GALNT13: variants seen among roughly 807,000 people sequenced by gnomAD.
GALNT13 encodes polypeptide N-acetylgalactosaminyltransferase 13, also known as UDP-GalNAc:polypeptide N-acetylgalactosaminyltransferase 13.
GALNT13 carries 28 observed loss-of-function variants against 64.2 expected under a neutral mutation model. The ratio of observed to expected loss-of-function variants is 0.44; its 90% CI spans 0.32 to 0.60. The LOEUF (loss-of-function observed/expected upper bound fraction) is 0.60, where lower values mean the gene tolerates loss of function less well. GALNT13 is among the 20% of genes least tolerant of loss of function. The pLI, the probability that GALNT13 is intolerant of heterozygous loss-of-function variation, is 0.05. For synonymous variants in GALNT13, 214 were observed against 224.6 expected, an observed-to-expected ratio of 0.95 and a Z score of 0.42; for missense variants, 577 against 669.8, an observed-to-expected ratio of 0.86 and a Z score of 1.53.
chr2:153,758,967 ATTTC>A, the GALNT13 span, among the ~76,000 whole-genome samples: 3 of 152,126 alleles, frequency 2.0e-5, no homozygotes, highest in Non-Finnish European at 4.4e-5. Flanking sequence ...TGTGTCATCA[ATTTC>A]TTTCATCAAA....
At chr2:153,467,617 A>G in the GALNT13 span, among the ~76,000 whole-genome samples, 2 of 152,086 alleles carry the variant, frequency 1.3e-5, no homozygotes, top group African/African-American at 4.8e-5. Flanking sequence ...TTTCATGGGA[A>G]TGCGATGATG....
At chr2:154,092,376 G>T (rs2105442436) in intron 3 of GALNT13, among the ~76,000 whole-genome samples, 1 of 152,074 alleles carries the variant, frequency 6.6e-6, no homozygotes, top group Non-Finnish European at 1.5e-5. Context: ...GCATTAAATG[G>T]CTCTGTCATT....
At chr2:154,047,216 C>A (rs1699337241) in intron 3 of GALNT13, among the ~76,000 whole-genome samples, 2 of 152,146 alleles carry the variant, frequency 1.3e-5, no homozygotes, top group South Asian at 4.2e-4. Flanking sequence ...AATACATTTG[C>A]TAAAGCTGGA....
chr2:154,247,681 T>C (rs1023034925), intron 7 of GALNT13, among the ~76,000 whole-genome samples: 6 of 152,100 alleles, frequency 3.9e-5, no homozygotes, highest in African/African-American at 1.4e-4. Flanking sequence ...AGATGAATCA[T>C]CTAACTTCCT....
the GALNT13 span, among the ~76,000 whole-genome samples, chr2:153,764,211 G>C: frequency 2.6e-4 from 39 of 152,172 alleles, no homozygotes; most frequent in South Asian, 2.1e-4. Context: ...TAGGGTATCT[G>C]GTGGGAGAAA....
At chr2:154,263,952 C>T (rs1050377504) in intron 8 of GALNT13, among the ~76,000 whole-genome samples, 1 of 152,170 alleles carries the variant, frequency 6.6e-6, no homozygotes, top group African/African-American at 2.4e-5. Flanking sequence ...ACAATTGCCT[C>T]GGCTTACTGC....
At chr2:154,162,034 G>C (rs1342638743) in intron 4 of GALNT13, among the ~76,000 whole-genome samples, 2 of 152,264 alleles carry the variant, frequency 1.3e-5, no homozygotes, top group South Asian at 2.1e-4. Flanking sequence ...GCCCGTCTCG[G>C]CCTCCCAAAG....
At chr2:153,263,507 A>C in the GALNT13 span, among the ~76,000 whole-genome samples, 1 of 152,354 alleles carries the variant, frequency 6.6e-6, no homozygotes, top group African/African-American at 2.4e-5. Flanking sequence ...AATAGCAAAA[A>C]GAACAAAGCT....
chr2:153,268,035 T>A, the GALNT13 span, among the ~76,000 whole-genome samples: 1 of 152,082 alleles, frequency 6.6e-6, no homozygotes, highest in Non-Finnish European at 1.5e-5. Flanking sequence ...TGCTGGCCCT[T>A]CCCAAACCTC....
At chr2:153,731,693 G>A in the GALNT13 span, among the ~76,000 whole-genome samples, 1 of 151,818 alleles carries the variant, frequency 6.6e-6, no homozygotes, top group African/African-American at 2.4e-5. Flanking sequence ...AATTGTTATT[G>A]CAAAACTAAG....
At chr2:153,330,642 A>G in the GALNT13 span, among the ~76,000 whole-genome samples, 4 of 151,280 alleles carry the variant, frequency 2.6e-5, no homozygotes, top group African/African-American at 9.7e-5. Flanking sequence ...AACTTTCTTT[A>G]TCGAAGTTGT....
intron 4 of GALNT13, among the ~76,000 whole-genome samples, chr2:154,199,270 T>A (rs546856628): frequency 6.6e-6 from 1 of 152,140 alleles, no homozygotes; most frequent in Non-Finnish European, 1.5e-5. Context: ...ATACCTATTA[T>A]AGTATTACTG....
chr2:153,396,899 A>G, the GALNT13 span, among the ~76,000 whole-genome samples: 1 of 152,152 alleles, frequency 6.6e-6, no homozygotes, highest in African/African-American at 2.4e-5. Context: ...TCAGGCAGCC[A>G]GGAGAGGCTT....
intron 3 of GALNT13, among the ~76,000 whole-genome samples, chr2:154,079,202 G>A (rs1015979585): frequency 6.6e-6 from 1 of 151,200 alleles, no homozygotes; most frequent in African/African-American, 2.4e-5. Flanking sequence ...AGAAATACAT[G>A]GTAACAAGAA....
chr2:153,354,958 G>C, the GALNT13 span, among the ~76,000 whole-genome samples: 2 of 152,146 alleles, frequency 1.3e-5, no homozygotes, highest in African/African-American at 2.4e-5. Context: ...GGAGTAAAGA[G>C]AACTGTTTAG....
At chr2:153,803,990 T>C in the GALNT13 span, among the ~76,000 whole-genome samples, 1 of 152,208 alleles carries the variant, frequency 6.6e-6, no homozygotes, top group Non-Finnish European at 1.5e-5. Flanking sequence ...CCCTCGAACA[T>C]TTAACCTGCT....
intron 9 of GALNT13, among the ~76,000 whole-genome samples, chr2:154,331,317 A>T (rs1445857690): frequency 2.0e-5 from 3 of 152,022 alleles, no homozygotes; most frequent in African/African-American, 2.4e-5. Flanking sequence ...TGTCTATTAA[A>T]AGCACTCTTC....
chr2:153,199,779 A>G, the GALNT13 span, among the ~76,000 whole-genome samples: 1 of 152,254 alleles, frequency 6.6e-6, no homozygotes, highest in Non-Finnish European at 1.5e-5. Flanking sequence ...TTTCCTGCAT[A>G]CTATAAAGAC....
chr2:153,623,649 C>T, the GALNT13 span, among the ~76,000 whole-genome samples: 1 of 151,610 alleles, frequency 6.6e-6, no homozygotes, highest in Middle Eastern at 3.5e-3. Context: ...TATTATGGGA[C>T]TATTGTGAAA....
Sources: allele counts gnomAD v4.1 joint callset (sites outside exome capture counted in the v4.1 genomes callset), GRCh38; gene constraint gnomAD v4.1.1; transcripts MANE v1.5; gene names NCBI Gene and HGNC (gene_info 2026-07-23, HGNC 2026-07-21).